WDPCP: variants seen among roughly 807,000 people sequenced by gnomAD.
The protein encoded by WDPCP is WD repeat-containing and planar cell polarity effector protein fritz homolog.
WDPCP carries 71 observed loss-of-function variants against 93.1 expected under a neutral mutation model. That is an observed-to-expected ratio of 0.76 (90% CI 0.63 to 0.93). The LOEUF is 0.93. WDPCP is among the 40% of genes least tolerant of loss of function. WDPCP has a pLI of 0.00. For synonymous variants in WDPCP, 315 were observed against 315.0 expected (o/e 1.00, Z 0.00); for missense variants, 844 against 887.4 (o/e 0.95, Z 0.62).
chr2:63,296,433 A>T (rs1224654784), intron 13 of WDPCP, among the ~76,000 whole-genome samples: 1 of 152,180 alleles, frequency 6.6e-6, no homozygotes, highest in Non-Finnish European at 1.5e-5. Context: ...TAATACTGGG[A>T]AGTCCTAGCT....
At chr2:63,242,406 G>A (rs1176879812) in intron 14 of WDPCP, among the ~76,000 whole-genome samples, 5 of 152,026 alleles carry the variant, frequency 3.3e-5, no homozygotes, top group Admixed American at 1.3e-4. Flanking sequence ...CTGCATATGA[G>A]GATTATATAA....
intron 10 of WDPCP, among the ~76,000 whole-genome samples, chr2:63,389,583 T>C (rs1693044844): frequency 6.6e-6 from 1 of 152,116 alleles, no homozygotes; most frequent in South Asian, 2.1e-4. Flanking sequence ...AAAGCCCCAA[T>C]TAAAAGACAC....
intron 3 of WDPCP, among the ~76,000 whole-genome samples, chr2:63,639,436 T>A (rs1709957671): frequency 6.6e-6 from 1 of 152,006 alleles, no homozygotes; most frequent in Non-Finnish European, 1.5e-5. Flanking sequence ...GTGCGCAACC[T>A]AACCTGGCCT....
intron 3 of WDPCP, among the ~76,000 whole-genome samples, chr2:63,595,846 T>G (rs1434303448): frequency 1.3e-5 from 2 of 152,196 alleles, no homozygotes; most frequent in African/African-American, 4.8e-5. Context: ...AACGTAGGAA[T>G]TGTCTACATT....
intron 13 of WDPCP, among the ~76,000 whole-genome samples, chr2:63,264,057 TA>T (rs10713935): frequency 0.016 from 2,372 of 150,948 alleles, 53 homozygotes; most frequent in African/African-American, 0.051. Flanking sequence ...TCCTTTTTCT[TA>T]AAAAAAAAAT....
chr2:63,409,642 T>G (rs1401607552), intron 9 of WDPCP, among the ~76,000 whole-genome samples: 1 of 151,836 alleles, frequency 6.6e-6, no homozygotes, highest in African/African-American at 2.4e-5. Context: ...GCAAGGAAAT[T>G]CGAAAAACGA....
At chr2:63,251,486 C>CT (rs869243555) in intron 14 of WDPCP, among the ~76,000 whole-genome samples, 4,976 of 107,164 alleles carry the variant, frequency 0.046, 188 homozygotes, top group African/African-American at 0.083. Flanking sequence ...AAAAGCCTAC[C>CT]TTTTTTTTTT....
chr2:63,718,452 G>C (rs1669368476), intron 2 of WDPCP, among the ~76,000 whole-genome samples: 1 of 152,072 alleles, frequency 6.6e-6, no homozygotes, highest in Admixed American at 6.6e-5. Flanking sequence ...TAGCCATTCT[G>C]ACTGATGTAA....
intron 2 of WDPCP, among the ~76,000 whole-genome samples, chr2:63,707,036 C>T (rs1575753208): frequency 6.7e-6 from 1 of 148,414 alleles, no homozygotes; most frequent in East Asian, 1.9e-4. Context: ...GTAACCCGAC[C>T]TTTCTTTCTG....
intron 12 of WDPCP, among the ~76,000 whole-genome samples, chr2:63,318,616 A>G (rs1250096415): frequency 1.3e-5 from 2 of 152,140 alleles, no homozygotes; most frequent in Non-Finnish European, 2.9e-5. Flanking sequence ...CTTTGCAGCA[A>G]CATGGGTGGA....
chr2:63,534,661 C>T (rs1042399290), intron 1 of WDPCP, among the ~76,000 whole-genome samples: 5 of 152,126 alleles, frequency 3.3e-5, no homozygotes, highest in East Asian at 1.9e-4. Context: ...AATTCAACAG[C>T]GCTTCATGCT....
At chr2:63,752,421 T>C in intron 2 of WDPCP, 1 of 763,372 alleles carries the variant, frequency 1.3e-6, no homozygotes, top group South Asian at 1.3e-5. Context: ...GGCCTTGCAT[T>C]CGTGGCTGCA....
At chr2:63,274,291 A>G (rs573759765) in intron 13 of WDPCP, among the ~76,000 whole-genome samples, 1 of 152,270 alleles carries the variant, frequency 6.6e-6, no homozygotes, top group East Asian at 1.9e-4. Context: ...AAAAAATGAA[A>G]CAAATGAAAA....
intron 14 of WDPCP, among the ~76,000 whole-genome samples, chr2:63,204,315 C>T (rs965125694): frequency 7.0e-6 from 1 of 142,402 alleles, no homozygotes; most frequent in African/African-American, 2.5e-5. Flanking sequence ...ATGTTGAGCA[C>T]ATTTTTATAT....
chr2:63,812,074 A>G (rs1041999941), intron 2 of WDPCP, among the ~76,000 whole-genome samples: 3 of 151,786 alleles, frequency 2.0e-5, no homozygotes, highest in African/African-American at 7.3e-5. Flanking sequence ...CATGTTGCGC[A>G]AGCTGGTCTC....
In WDPCP at chr2:63,433,948, A is replaced by G; in HGVS notation, c.634-12T>C. 1 of 1,612,312 alleles carries G rather than the reference A, an allele frequency of 6.2e-7. No individual in the cohort carries two copies. Among genetic ancestry groups the G allele is most frequent in the Admixed American group, 1.7e-5 (1 of 59,874 alleles). On this transcript the variant is annotated splice_polypyrimidine_tract_variant and intron_variant, in intron 8 of 17. Coordinates refer to ENST00000272321, the MANE Select transcript of WDPCP (RefSeq NM_015910.7). ...TCATAATAGAAAATCTAACAATTTT[A>G]AAAAAGCATACATGAAACATTTCTT... is the stretch of plus-strand genomic sequence containing the variant.
intron 1 of WDPCP, among the ~76,000 whole-genome samples, chr2:63,501,089 C>T (rs1183720947): frequency 6.6e-6 from 1 of 152,042 alleles, no homozygotes; most frequent in African/African-American, 2.4e-5. Context: ...AAAATGAGCA[C>T]CCACTGCAAG....
intron 1 of WDPCP, among the ~76,000 whole-genome samples, chr2:63,516,352 A>G (rs550926342): frequency 6.6e-6 from 1 of 152,268 alleles, no homozygotes; most frequent in South Asian, 2.1e-4. Context: ...TGAAATATAC[A>G]ATAGATTATT....
chr2:63,598,655 G>A (rs1467129945), intron 3 of WDPCP, among the ~76,000 whole-genome samples: 2 of 151,978 alleles, frequency 1.3e-5, no homozygotes, highest in Non-Finnish European at 2.9e-5. Context: ...ATTTTAAATA[G>A]TTAACTTATT....
Sources: allele counts gnomAD v4.1 joint callset (sites outside exome capture counted in the v4.1 genomes callset), GRCh38; gene constraint gnomAD v4.1.1; transcripts MANE v1.5; gene names NCBI Gene and HGNC (gene_info 2026-07-23, HGNC 2026-07-21).